Variants in EPHB2 observed in about 807,000 individuals in gnomAD.
EPHB2 encodes the protein ephrin type-B receptor 2.
Under a neutral mutation model 96.4 loss-of-function variants are expected in EPHB2, and 18 were observed. The ratio of observed to expected loss-of-function variants is 0.19; its 90% CI spans 0.13 to 0.28. The LOEUF (loss-of-function observed/expected upper bound fraction) is 0.28, where lower values mean the gene tolerates loss of function less well. Among genes scored for constraint, EPHB2 ranks in the 10% least tolerant of loss-of-function variants. EPHB2 has a pLI of 1.00. For missense variants in EPHB2, 989 were observed against 1,355.4 expected, an observed-to-expected ratio of 0.73 and a Z score of 4.25; for synonymous variants, 506 against 534.1, an observed-to-expected ratio of 0.95 and a Z score of 0.72.
chr1:22,784,302 C>T lies in EPHB2; in HGVS notation c.127-90C>T. 1 of 1,331,718 alleles carries T rather than the reference C, an allele frequency of 7.5e-7. No homozygotes were observed. The highest frequency in any genetic ancestry group is 1.1e-6 in the Non-Finnish European group (1 of 935,434). 82.5% of individuals were successfully genotyped at this position (1,331,718 alleles called of 1,614,324 possible). On this transcript the variant is annotated intron_variant, in intron 2 of 15. Coordinates refer to ENST00000374630, the MANE Select transcript of EPHB2 (RefSeq NM_017449.5). The surrounding 1 kb of genome is among the most constrained non-coding windows in gnomAD (Gnocchi z 5.1). ...CTTCACCATTAGACTGGAGGGTTCC[C>T]TAAGGCAGAGTCTGTGTCTTCCACC... is the stretch of plus-strand genomic sequence containing the variant.
rs188584934 is a variant in EPHB2 at position 22,733,549 on chromosome 1, G to A, written c.61+22506G>A. ...GAGTAGTTTTGCACGGTGGAAATCA[G>A]CATATACCATGGCCTTATTATGTGC... On this transcript the variant is annotated intron_variant, in intron 1 of 15. Coordinates refer to ENST00000374630, the MANE Select transcript of EPHB2 (RefSeq NM_017449.5). This position sits in a 1 kb window ranked among gnomAD's most constrained non-coding sequence, Gnocchi z 4.6. Among the ~76,000 whole-genome samples, 68 of 152,320 alleles carry A rather than the reference G, an allele frequency of 4.5e-4. No homozygotes were observed. Among genetic ancestry groups the A allele is most frequent in the Middle Eastern group, 3.4e-3 (1 of 294 alleles).
At chr1:22,758,104 G>C (rs1644180797) in intron 1 of EPHB2, among the ~76,000 whole-genome samples, 1 of 143,532 alleles carries the variant, frequency 7.0e-6, no homozygotes, top group Non-Finnish European at 1.5e-5. Flanking sequence ...ATTTTTAGTA[G>C]AGACGGGGTT....
At chr1:22,872,425 A>G (rs576996474) in intron 5 of EPHB2, among the ~76,000 whole-genome samples, 1 of 152,326 alleles carries the variant, frequency 6.6e-6, no homozygotes, top group South Asian at 2.1e-4. Flanking sequence ...TCACACCTGC[A>G]AAGTCCCTTT....
intron 5 of EPHB2, among the ~76,000 whole-genome samples, chr1:22,866,875 A>G (rs796666885): frequency 9.8e-5 from 15 of 152,286 alleles, no homozygotes; most frequent in African/African-American, 3.4e-4. Flanking sequence ...TGAATGTTGC[A>G]GTGAGCCGAG....
At chr1:22,825,020 C>T (rs2148478820) in intron 3 of EPHB2, among the ~76,000 whole-genome samples, 1 of 152,348 alleles carries the variant, frequency 6.6e-6, no homozygotes, top group Middle Eastern at 3.4e-3. Flanking sequence ...ATTCTCAAGT[C>T]ATCAGGAGCT....
At chr1:22,757,844 C>A (rs1245697636) in intron 1 of EPHB2, among the ~76,000 whole-genome samples, 1 of 121,708 alleles carries the variant, frequency 8.2e-6, no homozygotes, top group African/African-American at 3.0e-5. Flanking sequence ...GCCTGAGTGA[C>A]ATAGTGAGAC....
At chr1:22,859,294 TG>T (rs1491408362) in intron 3 of EPHB2, among the ~76,000 whole-genome samples, 1 of 11,166 alleles carries the variant, frequency 9.0e-5, no homozygotes. Flanking sequence ...GGGGTGGGCC[TG>T]GTGGGGGGGG....
intron 3 of EPHB2, chr1:22,836,820 C>G (rs1190347028): frequency 2.0e-5 from 3 of 152,310 alleles, no homozygotes; most frequent in African/African-American, 7.2e-5. Context: ...GTGGTGGGCA[C>G]CTGCTGTGCT....
rs1640329648 is a variant in EPHB2 at position 22,918,808 on chromosome 1, A to T, written c.*5238A>T. On this transcript the variant is annotated 3_prime_UTR_variant, in exon 16 of 16. Coordinates refer to ENST00000374630, the MANE Select transcript of EPHB2 (RefSeq NM_017449.5). The surrounding 1 kb of genome is among the most constrained non-coding windows in gnomAD (Gnocchi z 4.2). ...GCACACCCCCTCGGAGGCTAATCTC[A>T]GGAGGTTGGAACCACAGGGATTGCA... is the stretch of plus-strand genomic sequence containing the variant. 1 of 152,228 alleles carries T rather than the reference A, an allele frequency of 6.6e-6. No homozygotes were observed. The highest frequency in any genetic ancestry group is 2.4e-5 in the African/African-American group (1 of 41,460). 9.4% of individuals were successfully genotyped at this position (152,228 alleles called of 1,614,324 possible).
intron 1 of EPHB2, among the ~76,000 whole-genome samples, chr1:22,750,268 C>T (rs1366819093): frequency 6.6e-6 from 1 of 152,146 alleles, no homozygotes; most frequent in Non-Finnish European, 1.5e-5. Flanking sequence ...AAGGTAGTGG[C>T]TGGGGCAGTA....
intron 3 of EPHB2, among the ~76,000 whole-genome samples, chr1:22,853,309 C>T (rs978425678): frequency 6.6e-6 from 1 of 152,202 alleles, no homozygotes; most frequent in African/African-American, 2.4e-5. Context: ...GCCAAGATCG[C>T]GCCGCTGCAC....
At position 22,864,951 on chromosome 1, in the gene EPHB2, C is replaced by T. The variant is rs769893752; in HGVS notation, c.1042C>T (p.Arg348Cys). 5 of 1,603,150 alleles carry T rather than the reference C, an allele frequency of 3.1e-6. No individual in the cohort carries two copies. Among genetic ancestry groups the T allele is most frequent in the South Asian group, 1.1e-5 (1 of 89,320 alleles). Residue 348 changes from arginine (R) to cysteine (C), a missense_variant, in exon 5 of 16, where the codon CGC becomes TGC. Physicochemically the swap from Arg to Cys is radical, Grantham distance 180. Coordinates refer to ENST00000374630, the MANE Select transcript of EPHB2 (RefSeq NM_017449.5). Reference protein sequence around the residue: ...TSLMLEWTPPRDSGGREDLVY... With the variant: ...TSLMLEWTPPCDSGGREDLVY... Reference sequence around the variant, plus strand: ...CCTCATGCTGGAGTGGACCCCTCCCCGCGACTCCGGAGGCCGAGAGGACCT... The same window carrying T: ...CCTCATGCTGGAGTGGACCCCTCCCTGCGACTCCGGAGGCCGAGAGGACCT...
intron 6 of EPHB2, among the ~76,000 whole-genome samples, chr1:22,886,387 C>G (rs1276193526): frequency 6.6e-6 from 1 of 152,096 alleles, no homozygotes; most frequent in Non-Finnish European, 1.5e-5. Context: ...GCCTTCCAGC[C>G]TTGGGAGTCT....
chr1:22,915,875 G>A lies in EPHB2; in HGVS notation c.*2305G>A, dbSNP rs766178725. 6.6e-6 allele frequency: 1 copy of A among 152,436 alleles called. No individual in the cohort carries two copies. The highest frequency in any genetic ancestry group is 1.5e-5 in the Non-Finnish European group (1 of 68,210). The allele number at this position is 152,436 out of a possible 1,614,324, so 9.4% of individuals were successfully genotyped here. A position where few individuals can be genotyped will look rare whatever the true frequency, so the allele number is the denominator to read the frequency against. The stretch of plus-strand genomic sequence containing the variant: ...TCGGGACCTTTCCCAGATCCGAGGA[G>A]ATGGCCAGTGAGAAAGATTCGGGCC... On this transcript the variant is annotated 3_prime_UTR_variant, in exon 16 of 16. Transcript: ENST00000374630.
At chr1:22,827,114 C>A (rs987151040) in intron 3 of EPHB2, among the ~76,000 whole-genome samples, 3 of 152,218 alleles carry the variant, frequency 2.0e-5, no homozygotes, top group African/African-American at 7.2e-5. Flanking sequence ...AGGAGAAGAA[C>A]CCCTCACCTT....
intron 3 of EPHB2, among the ~76,000 whole-genome samples, chr1:22,825,290 C>T (rs746147136): frequency 1.8e-4 from 27 of 152,200 alleles, no homozygotes; most frequent in Non-Finnish European, 2.1e-4. Context: ...GGCTGATAAC[C>T]TAGATGCTGG....
intron 3 of EPHB2, among the ~76,000 whole-genome samples, chr1:22,820,236 G>A (rs1645134418): frequency 6.6e-6 from 1 of 152,048 alleles, no homozygotes; most frequent in Non-Finnish European, 1.5e-5. Context: ...ATTCTTACAT[G>A]TGTCATCCCA....
intron 3 of EPHB2, among the ~76,000 whole-genome samples, chr1:22,825,003 A>G (rs1645203746): frequency 6.6e-6 from 1 of 152,212 alleles, no homozygotes; most frequent in Non-Finnish European, 1.5e-5. Context: ...CATCTTCTCA[A>G]GGAAGTATTC....
intron 5 of EPHB2, 32 bp downstream of exon 5, chr1:22,865,244 C>T: frequency 6.2e-7 from 1 of 1,612,070 alleles, no homozygotes; most frequent in South Asian, 1.1e-5. Context: ...CAGGGGAGTG[C>T]CCCATCGCGC....
Sources: allele counts gnomAD v4.1 joint callset (sites outside exome capture counted in the v4.1 genomes callset), GRCh38; gene constraint gnomAD v4.1.1; non-coding constraint Gnocchi (gnomAD v3.1); transcripts MANE v1.5; gene names NCBI Gene and HGNC (gene_info 2026-07-23, HGNC 2026-07-21).